The following TSPAN18 variants were observed in gnomAD, a reference collection of about 807,000 sequenced individuals.
TSPAN18 encodes tetraspanin-18.
A neutral mutation model predicts 27.3 loss-of-function variants in TSPAN18; 14 were observed. The ratio of observed to expected loss-of-function variants is 0.51; its 90% confidence interval spans 0.34 to 0.80. The LOEUF is 0.80. TSPAN18 is among the 30% of genes least tolerant of loss of function. The pLI is 0.01. For missense variants in TSPAN18, 268 were observed against 323.9 expected (o/e 0.83, Z 1.32); for synonymous variants, 143 against 136.5 (o/e 1.05, Z -0.33).
intron 2 of TSPAN18, among the ~76,000 whole-genome samples, chr11:44,780,916 C>G (rs1012584640): frequency 1.3e-5 from 2 of 152,240 alleles, no homozygotes; most frequent in Non-Finnish European, 2.9e-5. Context: ...CCCTGGGAAA[C>G]AGTTTTGAAT....
intron 2 of TSPAN18, among the ~76,000 whole-genome samples, chr11:44,771,834 C>T (rs2134917888): frequency 6.6e-6 from 1 of 152,296 alleles, no homozygotes; most frequent in Non-Finnish European, 1.5e-5. Context: ...AGCATTAATA[C>T]ATTTTGATAT....
chr11:44,755,569 C>T (rs1017675859), intron 1 of TSPAN18, among the ~76,000 whole-genome samples: 3 of 152,140 alleles, frequency 2.0e-5, no homozygotes, highest in African/African-American at 7.2e-5. Context: ...ACATCCTGAG[C>T]ATGCCTTGGC....
rs3222524 is a variant in TSPAN18 at position 44,802,609 on chromosome 11, G to GCACACACACACACACACACACACACACA, written c.-153+38098_-153+38125dup. Among the ~76,000 whole-genome samples, 105 of 142,692 alleles carry GCACACACACACACACACACACACACACA rather than the reference G, an allele frequency of 7.4e-4. 1 individual carries two copies. Among genetic ancestry groups the GCACACACACACACACACACACACACACA allele is most frequent in the African/African-American group, 2.5e-3 (92 of 37,468 alleles). The allele number at this position is 142,692 out of a possible 152,430, so 93.6% of individuals were successfully genotyped here. On this transcript the variant is annotated intron_variant, in intron 2 of 9. Transcript: ENST00000520358. ...TGGGAGTGGGGGGCTGGGAAGCACTGCACACACACACACACACACACACAC... is the reference window on the plus strand; with the variant it reads ...TGGGAGTGGGGGGCTGGGAAGCACTGCACACACACACACACACACACACACACACACACACACACACACACACACACAC...
At chr11:44,809,963 A>T (rs1856678450) in intron 2 of TSPAN18, among the ~76,000 whole-genome samples, 1 of 152,206 alleles carries the variant, frequency 6.6e-6, no homozygotes. Context: ...GGAGGAGGAA[A>T]CGGCGCAAAA....
At chr11:44,860,088 G>A (rs1857837614) in intron 2 of TSPAN18, among the ~76,000 whole-genome samples, 1 of 152,202 alleles carries the variant, frequency 6.6e-6, no homozygotes, top group African/African-American at 2.4e-5. Context: ...TGACGCTTAT[G>A]TATTTTTACT....
intron 2 of TSPAN18, among the ~76,000 whole-genome samples, chr11:44,854,794 G>A (rs1347501594): frequency 6.6e-6 from 1 of 152,124 alleles, no homozygotes; most frequent in Non-Finnish European, 1.5e-5. Flanking sequence ...CTGTCTCTCT[G>A]CTTCCTGGTC....
At chr11:44,734,678 G>A (rs192275631) in intron 1 of TSPAN18, among the ~76,000 whole-genome samples, 259 of 152,318 alleles carry the variant, frequency 1.7e-3, no homozygotes, top group Admixed American at 1.5e-3. Context: ...CATTTGAAAC[G>A]GGACAAGAAT....
At chr11:44,918,094 G>T (rs1275421576) in intron 6 of TSPAN18, 48 bp downstream of exon 6, 3 of 1,593,764 alleles carry the variant, frequency 1.9e-6, no homozygotes, top group African/African-American at 2.7e-5. Flanking sequence ...TCAGCAAGGG[G>T]TTGGTGGCCA....
At chr11:44,920,464 C>T (rs1860086163) in intron 8 of TSPAN18, among the ~76,000 whole-genome samples, 1 of 135,842 alleles carries the variant, frequency 7.4e-6, no homozygotes, top group Non-Finnish European at 1.5e-5. Context: ...AGAGAAGCTC[C>T]TAGACTTCAG....
Position 44,902,882 on chromosome 11 carries a change from C to T in TSPAN18, c.-10-3525C>T, listed in dbSNP as rs77759631. Reference sequence around the variant, plus strand: ...GGAGAACACGACTGTGGGTTTGAATCCTTGTTGCTCCACTTTCTAGCTGTT... The same window carrying T: ...GGAGAACACGACTGTGGGTTTGAATTCTTGTTGCTCCACTTTCTAGCTGTT... On this transcript the variant is annotated intron_variant, in intron 3 of 9. Transcript: ENST00000520358. Among the ~76,000 whole-genome samples, 562 of 152,242 alleles carry T rather than the reference C, an allele frequency of 3.7e-3. 6 individuals carry two copies. Among genetic ancestry groups the T allele is most frequent in the African/African-American group, 0.013 (541 of 41,552 alleles).
chr11:44,789,284 G>A (rs949671507), intron 2 of TSPAN18, among the ~76,000 whole-genome samples: 14 of 152,196 alleles, frequency 9.2e-5, no homozygotes, highest in African/African-American at 2.4e-4. Context: ...GCTACCCAAC[G>A]TCAAATCTTG....
chr11:44,862,126 G>A (rs1259842599), intron 3 of TSPAN18, among the ~76,000 whole-genome samples: 1 of 152,128 alleles, frequency 6.6e-6, no homozygotes, highest in African/African-American at 2.4e-5. Flanking sequence ...CTTATCTGAA[G>A]CCCCTTAGAG....
chr11:44,786,135 C>T (rs1322542976), intron 2 of TSPAN18, among the ~76,000 whole-genome samples: 1 of 152,240 alleles, frequency 6.6e-6, no homozygotes, highest in Non-Finnish European at 1.5e-5. Flanking sequence ...TGGTGTTTGG[C>T]AGTCTGAGAT....
chr11:44,902,137 C>T (rs150943237), intron 3 of TSPAN18, among the ~76,000 whole-genome samples: 1 of 152,302 alleles, frequency 6.6e-6, no homozygotes, highest in African/African-American at 2.4e-5. Flanking sequence ...AACAGCAGGC[C>T]TATGAGTAAC....
chr11:44,807,399 G>T (rs374499578), intron 2 of TSPAN18, among the ~76,000 whole-genome samples: 1 of 110,338 alleles, frequency 9.1e-6, no homozygotes, highest in Non-Finnish European at 2.1e-5. Flanking sequence ...GTGGTGGTGC[G>T]TGCCTGTAGT....
intron 2 of TSPAN18, among the ~76,000 whole-genome samples, chr11:44,781,665 C>T (rs146742428): frequency 9.9e-4 from 151 of 152,328 alleles, no homozygotes; most frequent in Admixed American, 3.3e-3. Context: ...CCTTCATACA[C>T]ACTTACCCAG....
chr11:44,831,106 C>T (rs1361089114), intron 2 of TSPAN18, among the ~76,000 whole-genome samples: 10 of 152,128 alleles, frequency 6.6e-5, no homozygotes, highest in Admixed American at 6.5e-4. Flanking sequence ...CAGCAAGACT[C>T]TGTCTCAAAA....
At chr11:44,813,080 A>G (rs1438489677) in intron 2 of TSPAN18, among the ~76,000 whole-genome samples, 1 of 152,118 alleles carries the variant, frequency 6.6e-6, no homozygotes, top group Non-Finnish European at 1.5e-5. Context: ...TCACTCTCCC[A>G]GGGAAAGGGC....
At chr11:44,791,632 C>G (rs548335202) in intron 2 of TSPAN18, among the ~76,000 whole-genome samples, 2 of 152,360 alleles carry the variant, frequency 1.3e-5, no homozygotes, top group African/African-American at 2.4e-5. Context: ...CCTGGTCCCC[C>G]CTGTGTCCCC....
Sources: allele counts gnomAD v4.1 joint callset (sites outside exome capture counted in the v4.1 genomes callset), GRCh38; gene constraint gnomAD v4.1.1; transcripts MANE v1.5; gene names NCBI Gene and HGNC (gene_info 2026-07-23, HGNC 2026-07-21).